Variants in PPP6R3 observed in about 807,000 individuals in gnomAD.
PPP6R3 encodes the protein serine/threonine-protein phosphatase 6 regulatory subunit 3.
In PPP6R3, 38 loss-of-function variants were observed where a neutral mutation model predicts 110.7. That is an observed-to-expected ratio of 0.34 (90% CI 0.26 to 0.45). PPP6R3 has a LOEUF of 0.45. PPP6R3 is among the 20% of genes least tolerant of loss of function. PPP6R3 has a pLI of 1.00. For synonymous variants in PPP6R3, 369 were observed against 373.5 expected (o/e 0.99, Z 0.14); for missense variants, 870 against 1,062.4 (o/e 0.82, Z 2.52).
intron 1 of PPP6R3, among the ~76,000 whole-genome samples, chr11:68,506,714 G>C (rs535930994): frequency 6.6e-6 from 1 of 152,226 alleles, no homozygotes; most frequent in Non-Finnish European, 1.5e-5. Flanking sequence ...TGTCTCCCCT[G>C]ACCATCATCT....
intron 1 of PPP6R3, among the ~76,000 whole-genome samples, chr11:68,474,431 T>C (rs1591612118): frequency 6.6e-6 from 1 of 152,298 alleles, no homozygotes; most frequent in African/African-American, 2.4e-5. Context: ...TGCTTTTTTT[T>C]CAAAAAAGAA....
intron 22 of PPP6R3, among the ~76,000 whole-genome samples, chr11:68,605,726 C>T (rs1053789352): frequency 6.6e-6 from 1 of 152,104 alleles, no homozygotes; most frequent in South Asian, 2.1e-4. Flanking sequence ...TTAGAAATAA[C>T]CTTATATCAA....
intron 1 of PPP6R3, among the ~76,000 whole-genome samples, chr11:68,475,551 A>C (rs1200250508): frequency 7.3e-6 from 1 of 137,064 alleles, no homozygotes; most frequent in African/African-American, 2.8e-5. Flanking sequence ...CTGGCCCCCC[A>C]CCTCCCTCCC....
intron 7 of PPP6R3, among the ~76,000 whole-genome samples, chr11:68,555,104 A>C (rs1269967793): frequency 1.3e-5 from 2 of 152,168 alleles, no homozygotes; most frequent in African/African-American, 4.8e-5. Flanking sequence ...TGTCTTTGCG[A>C]AGTGGAATTG....
In PPP6R3 at chr11:68,613,430, G is replaced by A; in HGVS notation, c.*313G>A. On this transcript the variant is annotated 3_prime_UTR_variant, in exon 24 of 24. Coordinates refer to ENST00000393800, the MANE Select transcript of PPP6R3 (RefSeq NM_001164161.2). ...TAGTAATACTATAGTTAAAATGGCT[G>A]TAAGAATAGTTTTATAAAAGTGAAT... 4.8e-6 allele frequency: 5 copies of A among 1,051,924 alleles called. No individual in the cohort carries two copies. Among genetic ancestry groups the A allele is most frequent in the South Asian group, 8.6e-5 (2 of 23,350 alleles). The allele number at this position is 1,051,924 out of a possible 1,614,324, so 65.2% of individuals were successfully genotyped here.
chr11:68,544,995 A>G lies in PPP6R3; in HGVS notation c.385A>G (p.Ser129Gly). Residue 129 changes from serine (S) to glycine (G), a missense_variant, in exon 4 of 24, where the codon AGT becomes GGT. Transcript: ENST00000393800. ...TGCCAGTTTCTTCAGCAAGGTGCTAAGTATTCTTATCAGCAGAAAACCAGA... is the reference window on the plus strand; with the variant it reads ...TGCCAGTTTCTTCAGCAAGGTGCTAGGTATTCTTATCAGCAGAAAACCAGA... ...LLASFFSKVL[S>G]ILISRKPEQI... 1.2e-6 allele frequency: 2 copies of G among 1,609,238 alleles called. No individual in the cohort carries two copies. The highest frequency in any genetic ancestry group is 1.7e-6 in the Non-Finnish European group (2 of 1,175,724).
chr11:68,587,701 T>TTG (rs2099583170), intron 15 of PPP6R3: 11 of 601,544 alleles, frequency 1.8e-5, no homozygotes, highest in Non-Finnish European at 3.3e-5. Flanking sequence ...ATAGTGTTTC[T>TTG]TACAGTGACA....
At chr11:68,597,087 C>CA (rs1373671880) in intron 19 of PPP6R3, among the ~76,000 whole-genome samples, 1 of 152,230 alleles carries the variant, frequency 6.6e-6, no homozygotes, top group Non-Finnish European at 1.5e-5. Flanking sequence ...TTTCAGTCAA[C>CA]ATGCCTTTGT....
intron 11 of PPP6R3, among the ~76,000 whole-genome samples, chr11:68,570,213 C>T (rs2099497944): frequency 6.6e-6 from 1 of 152,126 alleles, no homozygotes; most frequent in African/African-American, 2.4e-5. Context: ...CTATGGAAAA[C>T]ATTTGCACTA....
intron 18 of PPP6R3, among the ~76,000 whole-genome samples, chr11:68,594,323 AGAGAGAGAGAGT>A (rs142473185): frequency 0.05 from 6,805 of 135,900 alleles, 211 homozygotes; most frequent in African/African-American, 0.18. Flanking sequence ...AGAGAGAAAA[AGAGAGAGAGAGT>A]GAGAGAGAGA....
intron 22 of PPP6R3, among the ~76,000 whole-genome samples, chr11:68,607,519 G>C (rs569746510): frequency 6.6e-6 from 1 of 152,348 alleles, no homozygotes; most frequent in East Asian, 1.9e-4. Context: ...GGTAGCTCAT[G>C]GATTATTCTT....
chr11:68,474,978 G>A (rs1171404016), intron 1 of PPP6R3, among the ~76,000 whole-genome samples: 3 of 151,580 alleles, frequency 2.0e-5, no homozygotes, highest in Admixed American at 2.0e-4. Flanking sequence ...GATTTGGCAG[G>A]GTCACAGGAC....
chr11:68,610,138 C>T (rs558892567), intron 23 of PPP6R3, 115 bp downstream of exon 23: 89 of 1,387,742 alleles, frequency 6.4e-5, no homozygotes, highest in South Asian at 5.3e-4. Context: ...AGTCTTAGGC[C>T]GCTGACCTGG....
intron 3 of PPP6R3, among the ~76,000 whole-genome samples, chr11:68,539,829 G>A (rs2153654702): frequency 6.6e-6 from 1 of 152,316 alleles, no homozygotes; most frequent in South Asian, 2.1e-4. Context: ...TGCTGAAGGT[G>A]GTGGGGTGGG....
chr11:68,463,210 A>G (rs1392435038), intron 1 of PPP6R3, among the ~76,000 whole-genome samples: 2 of 152,058 alleles, frequency 1.3e-5, no homozygotes, highest in Admixed American at 6.6e-5. Flanking sequence ...CTCTATTAAA[A>G]ATACAAAAAT....
At chr11:68,587,619 TG>T (rs1363796633) in intron 15 of PPP6R3, 2 of 414,166 alleles carry the variant, frequency 4.8e-6, no homozygotes, top group African/African-American at 4.1e-5. Flanking sequence ...CCATGTCATG[TG>T]ATCACTTTAA....
At chr11:68,504,321 C>T (rs1480235559) in intron 1 of PPP6R3, among the ~76,000 whole-genome samples, 1 of 151,872 alleles carries the variant, frequency 6.6e-6, no homozygotes. Flanking sequence ...CTGGTATAGG[C>T]CACACAATGT....
At chr11:68,568,634 T>C (rs920339376) in intron 10 of PPP6R3, among the ~76,000 whole-genome samples, 1 of 152,244 alleles carries the variant, frequency 6.6e-6, no homozygotes, top group Non-Finnish European at 1.5e-5. Flanking sequence ...AGTTTTTGTA[T>C]GCTGGAGTTG....
At position 68,573,153 on chromosome 11, in the gene PPP6R3, T is replaced by TATATATATAA. The variant is rs1468107550; in HGVS notation, c.1344-955_1344-954insTATATATAAA. On this transcript the variant is annotated intron_variant, in intron 12 of 23. Transcript: ENST00000393800. ...ATATATATATATATATATATATATA[T>TATATATATAA]AATTTTTTTTTTTTTGAGACGGAGT... is the stretch of plus-strand genomic sequence containing the variant. 3.1e-3 allele frequency among the ~76,000 whole-genome samples: 324 copies of TATATATATAA among 103,536 alleles called. 15 individuals carry two copies. The highest frequency in any genetic ancestry group is 0.012 in the African/African-American group (309 of 26,046). 67.9% of individuals were successfully genotyped at this position (103,536 alleles called of 152,430 possible).
Sources: gnomAD v4.1 joint callset for allele counts (sites outside exome capture counted in the v4.1 genomes callset) on GRCh38, gnomAD v4.1.1 for gene constraint, MANE v1.5 for transcripts, NCBI Gene and HGNC (gene_info 2026-07-23, HGNC 2026-07-21) for gene names.